Variants in PCDHGA6 observed in about 807,000 individuals in gnomAD.
PCDHGA6 encodes protocadherin gamma subfamily A, 6, also known as protocadherin gamma-A6.
In PCDHGA6, 41 loss-of-function variants were observed where a neutral mutation model predicts 60.6. The observed-to-expected ratio is 0.68, with a 90% CI of 0.53 to 0.88. The LOEUF is 0.88. Among genes scored for constraint, PCDHGA6 ranks in the 40% least tolerant of loss-of-function variants. The pLI is 0.00. For synonymous variants in PCDHGA6, 594 were observed against 524.4 expected (o/e 1.13, Z -1.81); for missense variants, 1,312 against 1,203.0 (o/e 1.09, Z -1.34).
chr5:141,492,870 C>G (rs2099744684), intron 1 of PCDHGA6, among the ~76,000 whole-genome samples: 1 of 152,192 alleles, frequency 6.6e-6, no homozygotes, highest in African/African-American at 2.4e-5. Flanking sequence ...TGGCTCTCAA[C>G]CCCCAGAGAT....
chr5:141,476,926 T>G lies in PCDHGA6; in HGVS notation c.2425-17881T>G, dbSNP rs779017502. ...GCGTGGTACAAGTCCTTGCAACGGA[T>G]CTGGATGAAGGCCCCAACGGTGAAA... is the stretch of plus-strand genomic sequence containing the variant. On this transcript the variant is annotated intron_variant, in intron 1 of 3. Coordinates refer to ENST00000517434, the MANE Select transcript of PCDHGA6 (RefSeq NM_018919.3). The surrounding 1 kb of genome is among the most constrained non-coding windows in gnomAD (Gnocchi z 7.6). 1 of 1,614,072 alleles carries G rather than the reference T, an allele frequency of 6.2e-7. No homozygotes were observed. The highest frequency in any genetic ancestry group is 1.1e-5 in the South Asian group (1 of 91,092).
chr5:141,410,202 A>G (rs766392835), intron 1 of PCDHGA6: 2 of 1,614,018 alleles, frequency 1.2e-6, no homozygotes, highest in Non-Finnish European at 1.7e-6. Flanking sequence ...TTCGCAGACA[A>G]CTTGCAAGAG....
At chr5:141,408,280 C>A in intron 1 of PCDHGA6, 4 of 1,612,648 alleles carry the variant, frequency 2.5e-6, no homozygotes, top group Non-Finnish European at 3.4e-6. Context: ...CTTTGTTCTA[C>A]CCCACCCTGA....
intron 1 of PCDHGA6, chr5:141,395,341 G>T: frequency 7.1e-7 from 1 of 1,409,696 alleles, no homozygotes; most frequent in Non-Finnish European, 9.4e-7. Flanking sequence ...AATTTTTAAG[G>T]TGTATCACAG....
intron 1 of PCDHGA6, chr5:141,388,958 C>T (rs767426744): frequency 7.4e-6 from 12 of 1,613,930 alleles, no homozygotes; most frequent in East Asian, 2.2e-5. Context: ...TGGAGGACGC[C>T]GAGCTGGGAA....
intron 1 of PCDHGA6, chr5:141,426,609 G>A (rs1026143678): frequency 5.2e-6 from 2 of 382,862 alleles, no homozygotes; most frequent in African/African-American, 4.2e-5. Flanking sequence ...AGAGATTGTA[G>A]CAGAGAATCC....
intron 1 of PCDHGA6, chr5:141,400,182 G>C (rs754765633): frequency 3.7e-6 from 6 of 1,614,072 alleles, no homozygotes; most frequent in Non-Finnish European, 5.1e-6. Flanking sequence ...CTGAGCTGCA[G>C]TTTTACCTAG....
chr5:141,393,443 G>T, intron 1 of PCDHGA6: 1 of 1,614,048 alleles, frequency 6.2e-7, no homozygotes, highest in Non-Finnish European at 8.5e-7. Context: ...CTCACCACCT[G>T]GTCCTCACGG....
intron 1 of PCDHGA6, chr5:141,392,842 G>A: frequency 6.2e-7 from 1 of 1,609,312 alleles, no homozygotes. Flanking sequence ...CGCCCCAGAC[G>A]CGGCGAGCTG....
intron 1 of PCDHGA6, chr5:141,428,659 G>A: frequency 6.1e-6 from 1 of 164,982 alleles, no homozygotes; most frequent in East Asian, 1.8e-4. Context: ...GAGTTCCAAT[G>A]AATGTCTTTC....
chr5:141,406,707 T>C (rs1201619018), intron 1 of PCDHGA6, among the ~76,000 whole-genome samples: 1 of 152,228 alleles, frequency 6.6e-6, no homozygotes, highest in Non-Finnish European at 1.5e-5. Flanking sequence ...AGTATATGCT[T>C]GCTCAAGAGA....
chr5:141,382,792 T>C (rs993602404), intron 1 of PCDHGA6: 3 of 949,494 alleles, frequency 3.2e-6, no homozygotes, highest in Middle Eastern at 2.2e-4. Flanking sequence ...GCCTCTATCC[T>C]GCTGGATTCT....
rs762881601 is a variant in PCDHGA6, at chr5:141,392,998, A to ACGGAGTC, written c.2424+16494_2424+16500dup. 1.9e-6 allele frequency: 3 copies of ACGGAGTC among 1,613,876 alleles called. No individual in the cohort carries two copies. In the East Asian group the frequency reaches 6.7e-5, roughly 36 times the overall value. On this transcript the variant is annotated intron_variant, in intron 1 of 3. Transcript: ENST00000517434. ...CTGGACCCCCGGAAGCTGGCGAAGCACGGAGTCCGTATCGTCTCCAGAGGT... is the reference window on the plus strand; with the variant it reads ...CTGGACCCCCGGAAGCTGGCGAAGCACGGAGTCCGGAGTCCGTATCGTCTCCAGAGGT...
At chr5:141,378,717 A>AG (rs1263141486) in intron 1 of PCDHGA6, 3 of 152,242 alleles carry the variant, frequency 2.0e-5, no homozygotes, top group Non-Finnish European at 4.4e-5. Flanking sequence ...TTCATCATAT[A>AG]GGAACTCTTT....
chr5:141,408,219 C>T (rs560438654), intron 1 of PCDHGA6: 4 of 1,557,930 alleles, frequency 2.6e-6, no homozygotes, highest in East Asian at 4.8e-5. Flanking sequence ...GGGAGCTGCG[C>T]GCAGAGGCGC....
At chr5:141,435,941 A>G (rs1354198135) in intron 1 of PCDHGA6, among the ~76,000 whole-genome samples, 1 of 152,170 alleles carries the variant, frequency 6.6e-6, no homozygotes, top group Non-Finnish European at 1.5e-5. Flanking sequence ...TGCTTCTGAG[A>G]CCAAAAAAGG....
intron 1 of PCDHGA6, among the ~76,000 whole-genome samples, chr5:141,453,996 C>T (rs2098779349): frequency 6.6e-6 from 1 of 152,128 alleles, no homozygotes; most frequent in Admixed American, 6.6e-5. Context: ...GTGATAAACC[C>T]ACATAACATT....
rs201538255 is a variant in PCDHGA6 at position 141,476,796 on chromosome 5, G to A, written c.2425-18011G>A. 10 of 1,613,584 alleles carry A rather than the reference G, an allele frequency of 6.2e-6. No individual in the cohort carries two copies. In the East Asian group the frequency reaches 2.2e-4, roughly 36 times the overall value. On this transcript the variant is annotated intron_variant, in intron 1 of 3. Transcript: ENST00000517434. This position sits in a 1 kb window ranked among gnomAD's most constrained non-coding sequence, Gnocchi z 7.6. Reference sequence around the variant, plus strand: ...GGAGGGACCCCAGCTCTCTCCGCCAGCCTGCCTATTCACATCAAGGTGCTG... The same window carrying A: ...GGAGGGACCCCAGCTCTCTCCGCCAACCTGCCTATTCACATCAAGGTGCTG...
intron 1 of PCDHGA6, chr5:141,430,744 C>T: frequency 6.7e-7 from 1 of 1,498,404 alleles, no homozygotes; most frequent in Non-Finnish European, 8.9e-7. Flanking sequence ...GAAAATAATT[C>T]TGGAGGAAGA....
Sources: allele counts gnomAD v4.1 joint callset (sites outside exome capture counted in the v4.1 genomes callset), GRCh38; gene constraint gnomAD v4.1.1; non-coding constraint Gnocchi (gnomAD v3.1); transcripts MANE v1.5; gene names NCBI Gene and HGNC (gene_info 2026-07-23, HGNC 2026-07-21).